ATP2C1: variants seen among roughly 807,000 people sequenced by gnomAD.
ATP2C1 encodes the protein calcium-transporting ATPase type 2C member 1.
Under a neutral mutation model 120.5 loss-of-function variants are expected in ATP2C1, and 31 were observed. That is an observed-to-expected ratio of 0.26 (90% confidence interval 0.19 to 0.35). The LOEUF (loss-of-function observed/expected upper bound fraction) is 0.35. Among genes scored for constraint, ATP2C1 ranks in the 10% least tolerant of loss-of-function variants. The probability of loss-of-function intolerance (pLI) is 1.00; values close to 1 mark genes in which losing one functional copy is unlikely to be tolerated. For missense variants in ATP2C1, 731 were observed against 1,107.5 expected (o/e 0.66, Z 4.83); for synonymous variants, 351 against 358.7 (o/e 0.98, Z 0.24).
chr3:130,941,223 AGTGTGTGTGTGTGTGTGTGTGTGTGT>A (rs71774561), intron 7 of ATP2C1, among the ~76,000 whole-genome samples: 1 of 144,338 alleles, frequency 6.9e-6, no homozygotes, highest in African/African-American at 2.6e-5. Context: ...TGTATTTAAC[AGTGTGTGTGTGTGTGTGTGTGTGTGT>A]GTGTGTGTGT....
chr3:130,859,000 A>G (rs943407590), intron 1 of ATP2C1, among the ~76,000 whole-genome samples: 11 of 152,246 alleles, frequency 7.2e-5, no homozygotes, highest in Non-Finnish European at 1.5e-4. Context: ...TATCTTCTGC[A>G]GAGTGCGGGG....
chr3:130,918,563 A>G, intron 2 of ATP2C1: 1 of 739,938 alleles, frequency 1.4e-6, no homozygotes, highest in Admixed American at 1.7e-5. Context: ...CATGTTAAGT[A>G]TGCCAGCGCC....
At chr3:130,988,199 T>C (rs1447961426) in intron 20 of ATP2C1, among the ~76,000 whole-genome samples, 1 of 152,224 alleles carries the variant, frequency 6.6e-6, no homozygotes, top group East Asian at 1.9e-4. Flanking sequence ...GGATCTTCGG[T>C]AGGTTATTCT....
intron 2 of ATP2C1, among the ~76,000 whole-genome samples, chr3:130,906,097 C>A (rs1339244766): frequency 6.6e-6 from 1 of 152,050 alleles, no homozygotes; most frequent in Non-Finnish European, 1.5e-5. Flanking sequence ...AAGATAGAAT[C>A]ACTTACCACA....
intron 20 of ATP2C1, among the ~76,000 whole-genome samples, chr3:130,989,352 G>A (rs1420027081): frequency 6.6e-6 from 1 of 151,786 alleles, no homozygotes; most frequent in Non-Finnish European, 1.5e-5. Flanking sequence ...ATCATCTGAG[G>A]TTGGGAGTTC....
At position 131,002,791 on chromosome 3, in the gene ATP2C1, T is replaced by G; in HGVS notation, c.*1441T>G. On this transcript the variant is annotated 3_prime_UTR_variant, in exon 28 of 28. Transcript: ENST00000510168. ...AGTGTTAGCACTGAAATATTGTCAT[T>G]GATAGGGAAAATATCTATTCTTTGA... 1 of 985,640 alleles carries G rather than the reference T, an allele frequency of 1.0e-6. No homozygotes were observed. Among genetic ancestry groups the G allele is most frequent in the Non-Finnish European group, 1.2e-6 (1 of 829,922 alleles). The allele number at this position is 985,640 out of a possible 1,614,324, so 61.1% of individuals were successfully genotyped here. A position where few individuals can be genotyped will look rare whatever the true frequency, so the allele number is the denominator to read the frequency against.
At chr3:130,974,425 A>C (rs1354971453) in intron 17 of ATP2C1, among the ~76,000 whole-genome samples, 1 of 152,208 alleles carries the variant, frequency 6.6e-6, no homozygotes, top group Non-Finnish European at 1.5e-5. Context: ...GTGCACTGGC[A>C]CCTACATTTC....
At chr3:130,976,914 C>T (rs879563722) in intron 18 of ATP2C1, among the ~76,000 whole-genome samples, 23 of 152,260 alleles carry the variant, frequency 1.5e-4, no homozygotes, top group South Asian at 6.2e-4. Flanking sequence ...GGGGTGCCCT[C>T]GTACATTGTA....
chr3:130,866,243 G>A (rs1006198289), intron 1 of ATP2C1, among the ~76,000 whole-genome samples: 1 of 152,134 alleles, frequency 6.6e-6, no homozygotes, highest in African/African-American at 2.4e-5. Flanking sequence ...TGATTAAATA[G>A]TGAGAATTGT....
At chr3:130,922,545 C>A (rs1233990974) in intron 2 of ATP2C1, among the ~76,000 whole-genome samples, 1 of 151,942 alleles carries the variant, frequency 6.6e-6, no homozygotes, top group African/African-American at 2.4e-5. Context: ...TGAGGTGTGA[C>A]CTTAGATTGT....
At chr3:130,996,650 A>G (rs201115421) in intron 23 of ATP2C1, 30 bp from the exon 24 acceptor site, 102 of 1,388,986 alleles carry the variant, frequency 7.3e-5, no homozygotes, top group Non-Finnish European at 9.2e-5. Flanking sequence ...TACTCTACTG[A>G]TATTTTTAAA....
chr3:130,993,120 CAG>C, intron 21 of ATP2C1, 119 bp downstream of exon 21: 1 of 803,900 alleles, frequency 1.2e-6, no homozygotes, highest in East Asian at 2.8e-5. Flanking sequence ...TGAAGCAAAA[CAG>C]TTTTTTTTTT....
intron 1 of ATP2C1, among the ~76,000 whole-genome samples, chr3:130,887,259 C>T (rs1490124225): frequency 6.6e-6 from 1 of 152,234 alleles, no homozygotes; most frequent in East Asian, 1.9e-4. Context: ...ACTACTGGGA[C>T]TGTGCTGGGT....
chr3:130,878,838 C>G (rs1023236736), intron 1 of ATP2C1, among the ~76,000 whole-genome samples: 2 of 152,110 alleles, frequency 1.3e-5, no homozygotes, highest in African/African-American at 4.8e-5. Flanking sequence ...GGCAATGTAA[C>G]TATAATGCAT....
At chr3:131,015,307 C>T (rs2063560077) in intron 26 of ATP2C1, 1 of 674,136 alleles carries the variant, frequency 1.5e-6, no homozygotes. Flanking sequence ...GAGTTTACAT[C>T]TGAGTGGAGA....
chr3:130,867,661 C>T (rs1156671135), intron 1 of ATP2C1, among the ~76,000 whole-genome samples: 1 of 151,562 alleles, frequency 6.6e-6, no homozygotes, highest in East Asian at 2.0e-4. Context: ...TCCCAGCCGC[C>T]TGCCTTGGCC....
chr3:130,961,605 C>T (rs1475145032), intron 12 of ATP2C1, among the ~76,000 whole-genome samples: 1 of 151,970 alleles, frequency 6.6e-6, no homozygotes, highest in East Asian at 1.9e-4. Flanking sequence ...AGTAAATAAT[C>T]ACTATTCTCT....
In ATP2C1 at chr3:131,001,322, C is replaced by T. The variant is rs749921964; in HGVS notation, c.2732C>T (p.Ser911Leu). The T allele has an allele frequency of 1.9e-5, 30 of 1,613,116 alleles. No homozygotes were observed. The highest frequency in any genetic ancestry group is 1.6e-4 in the Middle Eastern group (1 of 6,078). Residue 911 changes from serine (S) to leucine (L), a missense_variant, in exon 28 of 28, where the codon TCG becomes TTG. Physicochemically the swap from Ser to Leu is moderately radical, Grantham distance 145 (BLOSUM62 -2). Transcript: ENST00000510168. ...GAAAAGATCCAGAAGCATGTTAGTT[C>T]GACATCATCATCTTTTCTTGAAGTA... ...SREKIQKHVS[S>L]TSSSFLEV
intron 1 of ATP2C1, among the ~76,000 whole-genome samples, chr3:130,855,433 T>C (rs13069501): frequency 6.6e-6 from 1 of 152,182 alleles, no homozygotes; most frequent in African/African-American, 2.4e-5. Flanking sequence ...GGTGTTTTTA[T>C]GCAGGTGAGG....
Sources: allele counts gnomAD v4.1 joint callset (sites outside exome capture counted in the v4.1 genomes callset), GRCh38; gene constraint gnomAD v4.1.1; transcripts MANE v1.5; gene names NCBI Gene and HGNC (gene_info 2026-07-23, HGNC 2026-07-21).